Variants in TMTC4 observed in about 807,000 individuals in gnomAD.
TMTC4 encodes the protein protein O-mannosyl-transferase TMTC4.
In TMTC4, 65 loss-of-function variants were observed where a neutral mutation model predicts 86.0. The ratio of observed to expected loss-of-function variants is 0.76; its 90% CI spans 0.62 to 0.93. The LOEUF (loss-of-function observed/expected upper bound fraction) is 0.93. Among genes scored for constraint, TMTC4 ranks in the 40% least tolerant of loss-of-function variants. TMTC4 has a pLI of 0.00. For missense variants in TMTC4, 866 were observed against 948.1 expected, an observed-to-expected ratio of 0.91 and a Z score of 1.14; for synonymous variants, 379 against 382.5, an observed-to-expected ratio of 0.99 and a Z score of 0.11.
chr13:100,632,483 A>G (rs1881581227), intron 12 of TMTC4, among the ~76,000 whole-genome samples: 1 of 152,254 alleles, frequency 6.6e-6, no homozygotes, highest in Non-Finnish European at 1.5e-5. Context: ...TCAAACAGTA[A>G]AGGAAAAATA....
intron 5 of TMTC4, 48 bp from the exon 6 acceptor site, chr13:100,656,516 G>A: frequency 1.7e-6 from 2 of 1,177,832 alleles, no homozygotes; most frequent in Non-Finnish European, 2.4e-6. Context: ...ACACATTTAA[G>A]GAAATCCTAA....
intron 15 of TMTC4, among the ~76,000 whole-genome samples, chr13:100,619,128 C>T (rs2138756689): frequency 1.3e-5 from 2 of 149,502 alleles, no homozygotes; most frequent in South Asian, 4.2e-4. Flanking sequence ...GGCTGACCCA[C>T]CCACCTCCCT....
At chr13:100,647,425 C>T (rs1883903637) in intron 6 of TMTC4, among the ~76,000 whole-genome samples, 1 of 151,594 alleles carries the variant, frequency 6.6e-6, no homozygotes, top group Non-Finnish European at 1.5e-5. Context: ...CCCACCCCAT[C>T]CCATCCCACC....
chr13:100,618,424 G>A lies in TMTC4; in HGVS notation c.1837-3994C>T, dbSNP rs1594246325. ...TCCTTGCCTGGTTCCATTTCTCAAG[G>A]GGAATGCTTCCAGATTTTTGTTGCT... On this transcript the variant is annotated intron_variant, in intron 15 of 18. Coordinates refer to ENST00000342624, the MANE Select transcript of TMTC4 (RefSeq NM_032813.5). Among the ~76,000 whole-genome samples the A allele has an allele frequency of 2.0e-5, 3 of 150,724 alleles. No homozygotes were observed. The South Asian group carries it at 6.4e-4, about 32-fold the overall frequency.
intron 6 of TMTC4, among the ~76,000 whole-genome samples, chr13:100,647,938 CCA>C (rs1883962411): frequency 6.6e-6 from 1 of 152,270 alleles, no homozygotes; most frequent in East Asian, 1.9e-4. Flanking sequence ...CATAATTTCA[CCA>C]CACTCTCAAA....
chr13:100,628,656 T>C (rs1330819843), intron 12 of TMTC4, among the ~76,000 whole-genome samples: 6 of 151,984 alleles, frequency 3.9e-5, no homozygotes, highest in Admixed American at 3.3e-4. Flanking sequence ...GGGGGTGAAG[T>C]AGGCTGGATA....
At chr13:100,641,641 T>C (rs976900371) in intron 7 of TMTC4, among the ~76,000 whole-genome samples, 1 of 152,148 alleles carries the variant, frequency 6.6e-6, no homozygotes, top group Non-Finnish European at 1.5e-5. Flanking sequence ...GCATGCACCA[T>C]CGCGCCTGGC....
At chr13:100,673,260 T>C (rs981349876) in intron 1 of TMTC4, 33 of 967,198 alleles carry the variant, frequency 3.4e-5, no homozygotes, top group Non-Finnish European at 4.1e-5. Flanking sequence ...GAGGGCCCAA[T>C]GACAGCTGAC....
At chr13:100,632,613 T>C (rs1881598530) in intron 12 of TMTC4, among the ~76,000 whole-genome samples, 3 of 152,240 alleles carry the variant, frequency 2.0e-5, no homozygotes, top group African/African-American at 7.2e-5. Flanking sequence ...ATTCACTATT[T>C]TATCTAAGTC....
chr13:100,638,057 G>C (rs776211850), intron 7 of TMTC4, 35 bp from the exon 8 acceptor site: 6 of 1,562,254 alleles, frequency 3.8e-6, no homozygotes, highest in African/African-American at 2.7e-5. Flanking sequence ...AGCCACGGGA[G>C]AGCTTGGCTG....
chr13:100,649,031 C>T (rs1884099446), intron 6 of TMTC4, among the ~76,000 whole-genome samples: 1 of 152,170 alleles, frequency 6.6e-6, no homozygotes, highest in Admixed American at 6.6e-5. Context: ...AGCATGCACA[C>T]ACACTTTGAG....
chr13:100,643,022 C>T (rs933373553), intron 6 of TMTC4, among the ~76,000 whole-genome samples: 1 of 152,156 alleles, frequency 6.6e-6, no homozygotes, highest in African/African-American at 2.4e-5. Context: ...TGGGTGGCAG[C>T]TCCAGTAACC....
intron 3 of TMTC4, among the ~76,000 whole-genome samples, chr13:100,668,131 G>A (rs142260914): frequency 2.6e-5 from 4 of 152,160 alleles, no homozygotes; most frequent in East Asian, 1.9e-4. Flanking sequence ...AGGACAAAGC[G>A]GCAGCCAGCT....
chr13:100,622,197 A>C (rs894353049), intron 15 of TMTC4, among the ~76,000 whole-genome samples: 10 of 152,188 alleles, frequency 6.6e-5, no homozygotes, highest in African/African-American at 2.2e-4. Flanking sequence ...TCTTGCCATT[A>C]ATCTTCCTTG....
rs71200708 is a variant in TMTC4, at chr13:100,623,640, G to GTTTT, written c.1836+1891_1836+1894dup. Among the ~76,000 whole-genome samples the GTTTT allele has an allele frequency of 4.2e-3, 400 of 96,118 alleles. 65 individuals carry two copies. The highest frequency in any genetic ancestry group is 8.8e-3 in the Middle Eastern group (1 of 114). The allele number at this position is 96,118 out of a possible 152,430, so 63.1% of individuals were successfully genotyped here. A position where few individuals can be genotyped will look rare whatever the true frequency, so the allele number is the denominator to read the frequency against. On this transcript the variant is annotated intron_variant, in intron 15 of 18. Coordinates refer to ENST00000342624, the MANE Select transcript of TMTC4 (RefSeq NM_032813.5). ...GTCAGTTTTGGAAACTACTAGTTGG[G>GTTTT]TTTTGTTTTTTTTTTTTTTTTTTTT...
chr13:100,635,267 A>C, intron 10 of TMTC4, 72 bp from the exon 11 acceptor site: 1 of 1,403,562 alleles, frequency 7.1e-7, no homozygotes, highest in Non-Finnish European at 9.5e-7. Flanking sequence ...ACTCCACATT[A>C]AATTAATGCT....
At chr13:100,666,924 A>C (rs1484620891) in intron 3 of TMTC4, among the ~76,000 whole-genome samples, 2 of 152,250 alleles carry the variant, frequency 1.3e-5, no homozygotes, top group African/African-American at 2.4e-5. Flanking sequence ...CAGGCATCGG[A>C]GGCTGCAGTG....
intron 6 of TMTC4, among the ~76,000 whole-genome samples, chr13:100,648,289 G>A (rs1033051449): frequency 5.3e-5 from 8 of 151,570 alleles, no homozygotes; most frequent in Admixed American, 3.9e-4. Context: ...GGGATGTGTT[G>A]TTAGTGTGGA....
chr13:100,639,134 A>G (rs1028968990), intron 7 of TMTC4, among the ~76,000 whole-genome samples: 1 of 152,166 alleles, frequency 6.6e-6, no homozygotes, highest in Non-Finnish European at 1.5e-5. Context: ...CTGCCCCTAA[A>G]TGACTTGGGT....
Sources: allele counts gnomAD v4.1 joint callset (sites outside exome capture counted in the v4.1 genomes callset), GRCh38; gene constraint gnomAD v4.1.1; transcripts MANE v1.5; gene names NCBI Gene and HGNC (gene_info 2026-07-23, HGNC 2026-07-21).